ST8SIA5: variants seen among roughly 807,000 people sequenced by gnomAD.
ST8SIA5 encodes the protein ST8 alpha-N-acetyl-neuraminide alpha-2,8-sialyltransferase 5.
In ST8SIA5, 24 loss-of-function variants were observed where a neutral mutation model predicts 40.2. The ratio of observed to expected loss-of-function variants is 0.60; its 90% CI spans 0.43 to 0.84. The LOEUF (loss-of-function observed/expected upper bound fraction) is 0.84, where lower values mean the gene tolerates loss of function less well. Among genes scored for constraint, ST8SIA5 ranks in the 40% least tolerant of loss-of-function variants. The pLI is 0.00. For synonymous variants in ST8SIA5, 198 were observed against 201.8 expected, an observed-to-expected ratio of 0.98 and a Z score of 0.16; for missense variants, 465 against 498.5, an observed-to-expected ratio of 0.93 and a Z score of 0.64.
At chr18:46,716,100 A>C (rs900170946) in intron 1 of ST8SIA5, among the ~76,000 whole-genome samples, 4 of 130,260 alleles carry the variant, frequency 3.1e-5, no homozygotes, top group African/African-American at 6.4e-5. Context: ...AGATAGATAG[A>C]TAGATAGATA....
At chr18:46,718,254 C>T (rs148398894) in intron 1 of ST8SIA5, among the ~76,000 whole-genome samples, 375 of 147,222 alleles carry the variant, frequency 2.5e-3, no homozygotes, top group African/African-American at 9.0e-3. Flanking sequence ...TGCTTGAACC[C>T]GGGAGGCGAA....
intron 1 of ST8SIA5, among the ~76,000 whole-genome samples, chr18:46,750,120 A>G (rs1452512777): frequency 6.6e-6 from 1 of 152,200 alleles, no homozygotes; most frequent in Non-Finnish European, 1.5e-5. Context: ...AACAGAAAAC[A>G]TTCAAACTCT....
At chr18:46,692,614 G>A (rs2039517551) in intron 2 of ST8SIA5, among the ~76,000 whole-genome samples, 1 of 152,036 alleles carries the variant, frequency 6.6e-6, no homozygotes, top group African/African-American at 2.4e-5. Flanking sequence ...TGTTGGCCAG[G>A]CTGGTTTCGA....
chr18:46,724,820 A>G (rs1404927782), intron 1 of ST8SIA5, among the ~76,000 whole-genome samples: 3 of 152,040 alleles, frequency 2.0e-5, no homozygotes, highest in Non-Finnish European at 2.9e-5. Context: ...CTAAATATAC[A>G]AAAATTAGCT....
intron 1 of ST8SIA5, among the ~76,000 whole-genome samples, chr18:46,729,769 C>A (rs1372438651): frequency 5.3e-5 from 8 of 152,220 alleles, no homozygotes; most frequent in Non-Finnish European, 1.2e-4. Flanking sequence ...TACAAACGGA[C>A]TTCTTCAGTG....
chr18:46,713,280 G>T (rs1269436875), intron 1 of ST8SIA5, among the ~76,000 whole-genome samples: 1 of 152,216 alleles, frequency 6.6e-6, no homozygotes, highest in Non-Finnish European at 1.5e-5. Flanking sequence ...TTTAGAAAGT[G>T]AATAAATCAA....
At chr18:46,719,734 T>TTCTCTC (rs1207503748) in intron 1 of ST8SIA5, among the ~76,000 whole-genome samples, 24 of 40,376 alleles carry the variant, frequency 5.9e-4, no homozygotes, top group African/African-American at 1.5e-3. Flanking sequence ...TTCTCTCTCT[T>TTCTCTC]CTTTCCTTCC....
intron 1 of ST8SIA5, among the ~76,000 whole-genome samples, chr18:46,711,546 T>C (rs1282680094): frequency 6.6e-6 from 1 of 152,162 alleles, no homozygotes; most frequent in Non-Finnish European, 1.5e-5. Context: ...TCAGCAGCCC[T>C]TCCCCCTCCC....
intron 1 of ST8SIA5, among the ~76,000 whole-genome samples, chr18:46,752,368 C>T (rs1269925209): frequency 2.0e-5 from 3 of 152,166 alleles, no homozygotes; most frequent in Non-Finnish European, 4.4e-5. Context: ...CATTGTATCC[C>T]TAGCACTTAA....
At chr18:46,736,904 C>G (rs1453467493) in intron 1 of ST8SIA5, among the ~76,000 whole-genome samples, 1 of 151,992 alleles carries the variant, frequency 6.6e-6, no homozygotes, top group Non-Finnish European at 1.5e-5. Context: ...TTCCCTCCAC[C>G]CACACAGTCC....
chr18:46,741,157 G>T (rs2040083259), intron 1 of ST8SIA5, among the ~76,000 whole-genome samples: 1 of 151,906 alleles, frequency 6.6e-6, no homozygotes, highest in South Asian at 2.1e-4. Context: ...AACAGAAAAA[G>T]AAACAAGTAA....
At chr18:46,751,877 T>C (rs930375720) in intron 1 of ST8SIA5, among the ~76,000 whole-genome samples, 7 of 152,304 alleles carry the variant, frequency 4.6e-5, no homozygotes, top group South Asian at 4.1e-4. Flanking sequence ...CTGATGTCAG[T>C]GGTTGGTGAC....
intron 1 of ST8SIA5, among the ~76,000 whole-genome samples, chr18:46,751,396 TTTTA>T (rs1350697184): frequency 2.6e-5 from 4 of 151,942 alleles, no homozygotes; most frequent in Non-Finnish European, 5.9e-5. Flanking sequence ...AATTTTTAAA[TTTTA>T]TTTATTTATT....
intron 2 of ST8SIA5, among the ~76,000 whole-genome samples, chr18:46,703,788 A>G (rs753772222): frequency 1.3e-4 from 20 of 152,208 alleles, no homozygotes; most frequent in Admixed American, 1.2e-3. Flanking sequence ...AGATTCTGTC[A>G]TGACTAATAT....
chr18:46,723,940 A>G (rs2039889123), intron 1 of ST8SIA5, among the ~76,000 whole-genome samples: 1 of 151,888 alleles, frequency 6.6e-6, no homozygotes, highest in African/African-American at 2.4e-5. Context: ...AAAAAAAAGA[A>G]AAAAGCAGAA....
At chr18:46,730,807 T>A (rs917841108) in intron 1 of ST8SIA5, among the ~76,000 whole-genome samples, 1 of 151,908 alleles carries the variant, frequency 6.6e-6, no homozygotes, top group Non-Finnish European at 1.5e-5. Context: ...TCTCAAAAAA[T>A]AAAAATAAAG....
rs967366160 is a variant in ST8SIA5, at chr18:46,672,668, T to C, written c.*7374A>G. On this transcript the variant is annotated 3_prime_UTR_variant, in exon 7 of 7. Coordinates refer to ENST00000315087, the MANE Select transcript of ST8SIA5 (RefSeq NM_013305.6). ...TCAGAAGAGACTGTGCAGGGGAAAA[T>C]ACCTAAAGACTTCTAAAAGATCAGC... 2.0e-5 allele frequency: 3 copies of C among 148,338 alleles called. No individual in the cohort carries two copies. Among genetic ancestry groups the C allele is most frequent in the Non-Finnish European group, 4.5e-5 (3 of 67,250 alleles). The allele number at this position is 148,338 out of a possible 1,614,324, so 9.2% of individuals were successfully genotyped here.
chr18:46,732,518 G>A (rs1164634287), intron 1 of ST8SIA5, among the ~76,000 whole-genome samples: 2 of 152,110 alleles, frequency 1.3e-5, no homozygotes, highest in African/African-American at 4.8e-5. Flanking sequence ...CACTGGCCCA[G>A]GTGAGCGCAT....
intron 2 of ST8SIA5, among the ~76,000 whole-genome samples, chr18:46,697,015 G>A (rs146454713): frequency 0.028 from 4,174 of 148,422 alleles, 87 homozygotes; most frequent in Non-Finnish European, 0.042. Context: ...TCTGTAAGCA[G>A]AACCATCAAG....
Sources: allele counts gnomAD v4.1 joint callset (sites outside exome capture counted in the v4.1 genomes callset), GRCh38; gene constraint gnomAD v4.1.1; transcripts MANE v1.5; gene names NCBI Gene and HGNC (gene_info 2026-07-23, HGNC 2026-07-21).